PSPC1: variants seen among roughly 807,000 people sequenced by gnomAD.
The protein encoded by PSPC1 is paraspeckle component 1.
PSPC1 carries 14 observed loss-of-function variants against 51.6 expected under a neutral mutation model. The observed-to-expected ratio is 0.27, with a 90% CI of 0.18 to 0.42. The LOEUF is 0.42. Ranked by LOEUF, PSPC1 falls within the 10% of genes least tolerant of loss-of-function variation. PSPC1 has a pLI of 1.00. For synonymous variants in PSPC1, 193 were observed against 231.9 expected (o/e 0.83, Z 1.53); for missense variants, 406 against 701.1 (o/e 0.58, Z 4.75).
chr13:19,757,365 T>C (rs1216866061), intron 3 of PSPC1, among the ~76,000 whole-genome samples: 1 of 152,098 alleles, frequency 6.6e-6, no homozygotes, highest in Non-Finnish European at 1.5e-5. Flanking sequence ...GAAACTACCC[T>C]GCCTCCATTA....
intron 5 of PSPC1, among the ~76,000 whole-genome samples, chr13:19,733,982 C>T (rs1884458136): frequency 6.6e-6 from 1 of 151,786 alleles, no homozygotes; most frequent in South Asian, 2.1e-4. Context: ...TTTTTAAAAC[C>T]ATAGAAGAGG....
chr13:19,737,118 C>G (rs907161129), intron 5 of PSPC1: 1 of 152,148 alleles, frequency 6.6e-6, no homozygotes, highest in Non-Finnish European at 1.5e-5. Context: ...ACCTGGTAGT[C>G]CCCTGCTCCC....
At position 19,680,819 on chromosome 13, in the gene PSPC1, G is replaced by T. The variant is rs1406300456; in HGVS notation, c.1159-2996C>A. ...ATTTAAACAAAAGCGAGTGAAAAAGGCCCCTCTAACCACCCCCTAAGATTG... is the reference window on the plus strand; with the variant it reads ...ATTTAAACAAAAGCGAGTGAAAAAGTCCCCTCTAACCACCCCCTAAGATTG... On this transcript the variant is annotated intron_variant and NMD_transcript_variant, in intron 6 of 7. Coordinates refer to the PSPC1 transcript ENST00000471658. Among the ~76,000 whole-genome samples, 6 of 152,250 alleles carry T rather than the reference G, an allele frequency of 3.9e-5. No individual in the cohort carries two copies. In the East Asian group the frequency reaches 5.8e-4, roughly 15 times the overall value.
At chr13:19,758,696 G>A (rs1376580732) in intron 3 of PSPC1, among the ~76,000 whole-genome samples, 18 of 151,746 alleles carry the variant, frequency 1.2e-4, no homozygotes, top group African/African-American at 3.1e-4. Flanking sequence ...TTAGTCGGGC[G>A]TGGTGGCGCA....
intron 6 of PSPC1, among the ~76,000 whole-genome samples, chr13:19,696,645 G>T (rs536085147): frequency 6.6e-6 from 1 of 152,044 alleles, no homozygotes; most frequent in Non-Finnish European, 1.5e-5. Context: ...TTACACCAAA[G>T]AGAAAGTCAG....
At chr13:19,677,176 T>G (rs1027210268) in intron 7 of PSPC1, among the ~76,000 whole-genome samples, 26 of 144,986 alleles carry the variant, frequency 1.8e-4, no homozygotes, top group Non-Finnish European at 3.3e-4. Context: ...GAGCTTGCAG[T>G]GAGCCAAGAT....
intron 6 of PSPC1, among the ~76,000 whole-genome samples, chr13:19,686,953 T>C (rs1211518672): frequency 6.6e-6 from 1 of 152,092 alleles, no homozygotes; most frequent in African/African-American, 2.4e-5. Flanking sequence ...TCCCTGCACT[T>C]TGGGAGGCCA....
At chr13:19,724,582 C>T (rs551931290) in intron 6 of PSPC1, among the ~76,000 whole-genome samples, 5 of 150,438 alleles carry the variant, frequency 3.3e-5, no homozygotes, top group Admixed American at 6.6e-5. Flanking sequence ...TGGCCGGGTA[C>T]GGTGGCTCAC....
downstream of PSPC1, among the ~76,000 whole-genome samples, chr13:19,700,476 A>G (rs938977444): frequency 1.3e-5 from 2 of 152,138 alleles, no homozygotes; most frequent in African/African-American, 4.8e-5. Context: ...ACCTCAAGAA[A>G]GAATAGCAAA....
intron 1 of PSPC1, among the ~76,000 whole-genome samples, chr13:19,781,750 G>A (rs766329242): frequency 2.0e-4 from 30 of 151,988 alleles, no homozygotes; most frequent in Non-Finnish European, 3.7e-4. Flanking sequence ...AGACCAGCCT[G>A]GGCAACATAG....
chr13:19,779,796 G>A (rs1433985434), intron 1 of PSPC1, among the ~76,000 whole-genome samples: 7 of 61,660 alleles, frequency 1.1e-4, no homozygotes, highest in East Asian at 5.6e-4. Context: ...GCCTCTGCCC[G>A]GCCGCCCCTA....
chr13:19,767,599 C>G (rs567933192), intron 2 of PSPC1, among the ~76,000 whole-genome samples: 1 of 151,868 alleles, frequency 6.6e-6, no homozygotes, highest in African/African-American at 2.4e-5. Flanking sequence ...TAAGCAAGTA[C>G]AATTTTGGAA....
chr13:19,782,288 T>G lies in PSPC1; in HGVS notation c.372+98A>C. The G allele has an allele frequency of 6.9e-7, 1 of 1,453,214 alleles. No individual in the cohort carries two copies. Among genetic ancestry groups the G allele is most frequent in the Non-Finnish European group, 9.0e-7 (1 of 1,105,980 alleles). The allele number at this position is 1,453,214 out of a possible 1,614,324, so 90.0% of individuals were successfully genotyped here. ...CGAGCGGCGCCACGGTTGCCACAGG[T>G]TGAGACAGCGTCCTAGGACGAGGCT... is the stretch of plus-strand genomic sequence containing the variant. On this transcript the variant is annotated intron_variant, in intron 1 of 8. Transcript: ENST00000338910. This position sits in a 1 kb window ranked among gnomAD's most constrained non-coding sequence, Gnocchi z 4.5.
intron 6 of PSPC1, among the ~76,000 whole-genome samples, chr13:19,686,477 T>C (rs1877896029): frequency 1.3e-5 from 2 of 152,178 alleles, no homozygotes; most frequent in South Asian, 4.1e-4. Context: ...GAAATGCGGA[T>C]GTATTAAGAA....
chr13:19,746,686 G>C (rs1313327268), intron 4 of PSPC1, among the ~76,000 whole-genome samples: 2 of 152,118 alleles, frequency 1.3e-5, no homozygotes, highest in African/African-American at 4.8e-5. Context: ...GGGCAACAGA[G>C]TGAGACTCCA....
At chr13:19,672,183 T>G, downstream of PSPC1, 1 of 277,676 alleles carries the variant, frequency 3.6e-6, no homozygotes, top group Non-Finnish European at 7.0e-6. Context: ...TCGCTCTTGT[T>G]GCCCAGGCTG....
chr13:19,675,637 C>T (rs1876557557), intron 7 of PSPC1: 1 of 152,234 alleles, frequency 6.6e-6, no homozygotes, highest in East Asian at 1.9e-4. Context: ...AGGATATTTC[C>T]CACAAAATGT....
intron 7 of PSPC1, among the ~76,000 whole-genome samples, chr13:19,706,940 T>A (rs902232280): frequency 6.6e-6 from 1 of 152,136 alleles, no homozygotes; most frequent in Non-Finnish European, 1.5e-5. Context: ...ATTTCCTTCA[T>A]CCCCAAATGC....
At chr13:19,756,989 G>C (rs1887142013) in intron 3 of PSPC1, among the ~76,000 whole-genome samples, 1 of 151,950 alleles carries the variant, frequency 6.6e-6, no homozygotes, top group Non-Finnish European at 1.5e-5. Flanking sequence ...AATTAGCCGG[G>C]CATGGTGGCA....
Sources: allele counts gnomAD v4.1 joint callset (sites outside exome capture counted in the v4.1 genomes callset), GRCh38; gene constraint gnomAD v4.1.1; non-coding constraint Gnocchi (gnomAD v3.1); transcripts MANE v1.5; gene names NCBI Gene and HGNC (gene_info 2026-07-23, HGNC 2026-07-21).